The following GIGYF2 variants were observed in gnomAD, a reference collection of about 807,000 sequenced individuals.
GIGYF2 encodes GRB10 interacting GYF protein 2, also known as GRB10-interacting GYF protein 2.
A neutral mutation model predicts 208.1 loss-of-function variants in GIGYF2; 25 were observed. The ratio of observed to expected loss-of-function variants is 0.12; its 90% confidence interval spans 0.09 to 0.17. The LOEUF is 0.17. GIGYF2 is among the 10% of genes least tolerant of loss of function. GIGYF2 has a pLI of 1.00. For missense variants in GIGYF2, 1,302 were observed against 1,579.4 expected (o/e 0.82, Z 2.98); for synonymous variants, 534 against 543.8 (o/e 0.98, Z 0.25).
In GIGYF2 at chr2:232,806,978, G is replaced by T. The variant is rs1415602832; in HGVS notation, c.1806+321G>T. Among the ~76,000 whole-genome samples the T allele has an allele frequency of 6.6e-6, 1 of 152,078 alleles. No individual in the cohort carries two copies. Among genetic ancestry groups the T allele is most frequent in the East Asian group, 1.9e-4 (1 of 5,194 alleles). ...TACCTACGAGGTCCTGCAATGCCTG[G>T]CACCTTACCTTTCTAAGCTCATTTC... On this transcript the variant is annotated intron_variant, in intron 15 of 28. Transcript: ENST00000373563. The surrounding 1 kb of genome is among the most constrained non-coding windows in gnomAD (Gnocchi z 4.0).
At chr2:232,742,473 GGA>G (rs2106305966) in intron 3 of GIGYF2, among the ~76,000 whole-genome samples, 1 of 152,226 alleles carries the variant, frequency 6.6e-6, no homozygotes, top group Admixed American at 6.5e-5. Flanking sequence ...CCTGGGAGGT[GGA>G]GGTTGCAGTG....
chr2:232,788,281 A>G (rs1355140927), intron 9 of GIGYF2: 1 of 162,478 alleles, frequency 6.2e-6, no homozygotes, highest in Non-Finnish European at 1.4e-5. Context: ...TGGTAGGTAG[A>G]TAGAAACATA....
At chr2:232,803,848 C>G (rs1391360949) in intron 14 of GIGYF2, among the ~76,000 whole-genome samples, 1 of 60,692 alleles carries the variant, frequency 1.6e-5, no homozygotes, top group Non-Finnish European at 3.0e-5. Context: ...CCACCGCGCC[C>G]GGCTAATTTT....
intron 22 of GIGYF2, among the ~76,000 whole-genome samples, chr2:232,838,688 A>G (rs2106417206): frequency 6.6e-6 from 1 of 152,210 alleles, no homozygotes; most frequent in East Asian, 1.9e-4. Flanking sequence ...TTTGAGATCT[A>G]CTGCCTTACT....
chr2:232,743,523 C>T (rs951905318), intron 3 of GIGYF2, among the ~76,000 whole-genome samples: 5 of 152,050 alleles, frequency 3.3e-5, no homozygotes, highest in Non-Finnish European at 5.9e-5. Context: ...AGTGTTACAC[C>T]GAGTACCCAG....
At chr2:232,727,123 C>T (rs1697237799) in intron 2 of GIGYF2, among the ~76,000 whole-genome samples, 1 of 152,136 alleles carries the variant, frequency 6.6e-6, no homozygotes, top group African/African-American at 2.4e-5. Flanking sequence ...CACCACCACA[C>T]CCAGCTAATT....
chr2:232,796,358 GA>G, intron 14 of GIGYF2, 137 bp downstream of exon 14: 1 of 687,374 alleles, frequency 1.5e-6, no homozygotes, highest in Non-Finnish European at 2.6e-6. Flanking sequence ...ACGCAGACTA[GA>G]AGTGTTTCTG....
intron 21 of GIGYF2, 106 bp from the exon 22 acceptor site, chr2:232,832,751 C>A: frequency 1.3e-6 from 1 of 787,066 alleles, no homozygotes; most frequent in Non-Finnish European, 2.1e-6. Flanking sequence ...TTTCTGCTTT[C>A]TCTGTCATCT....
In GIGYF2 at chr2:232,858,298, T is replaced by C; in HGVS notation, c.*1438T>C. 7 of 358,146 alleles carry C rather than the reference T, an allele frequency of 2.0e-5. No homozygotes were observed. Among genetic ancestry groups the C allele is most frequent in the Middle Eastern group, 2.0e-3 (2 of 1,020 alleles). 22.2% of individuals were successfully genotyped at this position (358,146 alleles called of 1,614,324 possible). On this transcript the variant is annotated 3_prime_UTR_variant, in exon 29 of 29. Transcript: ENST00000373563. The stretch of plus-strand genomic sequence containing the variant: ...AGGCTGGAGTTGCTCTGAGAGCAGT[T>C]TGGGTTTGGAGTATTATATTTGGCT...
intron 12 of GIGYF2, among the ~76,000 whole-genome samples, chr2:232,794,071 A>G (rs1054995479): frequency 1.3e-5 from 2 of 152,174 alleles, no homozygotes; most frequent in African/African-American, 4.8e-5. Flanking sequence ...GAATTTGGAG[A>G]AGCTATCTGT....
At chr2:232,773,842 CA>C (rs1159606926) in intron 8 of GIGYF2, among the ~76,000 whole-genome samples, 4 of 139,706 alleles carry the variant, frequency 2.9e-5, no homozygotes, top group African/African-American at 1.1e-4. Context: ...GAGGCCGAGA[CA>C]GGAGGATTGC....
chr2:232,767,770 AGTC>A (rs1699035887), intron 8 of GIGYF2: 1 of 223,618 alleles, frequency 4.5e-6, no homozygotes, highest in Admixed American at 5.3e-5. Flanking sequence ...AGTATAGTGA[AGTC>A]GTCATTCCAC....
intron 28 of GIGYF2, among the ~76,000 whole-genome samples, chr2:232,855,562 G>C (rs1160657704): frequency 6.6e-6 from 1 of 152,164 alleles, no homozygotes; most frequent in Non-Finnish European, 1.5e-5. Flanking sequence ...GTGGGAAAGA[G>C]AATATGCGAG....
chr2:232,735,304 G>A, intron 3 of GIGYF2, 66 bp downstream of exon 3: 1 of 1,105,356 alleles, frequency 9.0e-7, no homozygotes. Context: ...GTATTTGACA[G>A]GTGCTAGGTG....
At chr2:232,745,780 G>A (rs754836292) in intron 3 of GIGYF2, among the ~76,000 whole-genome samples, 1 of 152,078 alleles carries the variant, frequency 6.6e-6, no homozygotes, top group Non-Finnish European at 1.5e-5. Context: ...TCACAAACAC[G>A]TCATCACAAT....
rs186263853 is a variant in GIGYF2, at chr2:232,817,337, G to A, written c.2370+305G>A. ...AATGAGAAAGTAACTTTGATGTGCAGCATTAAATGTCAAATTTTAAAAGTT... is the reference window on the plus strand; with the variant it reads ...AATGAGAAAGTAACTTTGATGTGCAACATTAAATGTCAAATTTTAAAAGTT... On this transcript the variant is annotated intron_variant, in intron 20 of 28. Coordinates refer to ENST00000373563, the MANE Select transcript of GIGYF2 (RefSeq NM_001103146.3). Among the ~76,000 whole-genome samples the A allele has an allele frequency of 3.3e-5, 5 of 152,284 alleles. No individual in the cohort carries two copies. In the East Asian group the frequency reaches 9.6e-4, roughly 29 times the overall value.
In GIGYF2 at chr2:232,771,425, A is replaced by T. The variant is rs947055426; in HGVS notation, c.532+9989A>T. On this transcript the variant is annotated intron_variant, in intron 8 of 28. Coordinates refer to ENST00000373563, the MANE Select transcript of GIGYF2 (RefSeq NM_001103146.3). Reference sequence around the variant, plus strand: ...TAAGCTCTTAACTGTTTTATAGTTAATGTTTGTGAATTTGGAGAGCTCATG... The same window carrying T: ...TAAGCTCTTAACTGTTTTATAGTTATTGTTTGTGAATTTGGAGAGCTCATG... The T allele has an allele frequency of 4.2e-5, 53 of 1,255,016 alleles. No individual in the cohort carries two copies. The African/African-American group carries it at 6.7e-4, about 16-fold the overall frequency. 77.7% of individuals were successfully genotyped at this position (1,255,016 alleles called of 1,614,324 possible).
chr2:232,856,381 C>T (rs1690572490), intron 28 of GIGYF2, among the ~76,000 whole-genome samples: 1 of 152,118 alleles, frequency 6.6e-6, no homozygotes. Flanking sequence ...TGTAATACTT[C>T]TATGGTATGC....
At chr2:232,788,250 A>G (rs527389631) in intron 9 of GIGYF2, 1 of 157,010 alleles carries the variant, frequency 6.4e-6, no homozygotes, top group Non-Finnish European at 1.4e-5. Context: ...TATAACAGGC[A>G]TTCAGAGTAT....
Sources: allele counts gnomAD v4.1 joint callset (sites outside exome capture counted in the v4.1 genomes callset), GRCh38; gene constraint gnomAD v4.1.1; non-coding constraint Gnocchi (gnomAD v3.1); transcripts MANE v1.5; gene names NCBI Gene and HGNC (gene_info 2026-07-23, HGNC 2026-07-21).